Variants in GRID2 observed in about 807,000 individuals in gnomAD.
GRID2 encodes glutamate receptor ionotropic, delta-2.
GRID2 carries 33 observed loss-of-function variants against 114.8 expected under a neutral mutation model. The observed-to-expected ratio is 0.29, with a 90% confidence interval of 0.22 to 0.38. The LOEUF (loss-of-function observed/expected upper bound fraction) is 0.38. Among genes scored for constraint, GRID2 ranks in the 10% least tolerant of loss-of-function variants. The pLI is 1.00. For synonymous variants in GRID2, 505 were observed against 449.9 expected, an observed-to-expected ratio of 1.12 and a Z score of -1.55; for missense variants, 1,184 against 1,257.7, an observed-to-expected ratio of 0.94 and a Z score of 0.89.
intron 1 of GRID2, among the ~76,000 whole-genome samples, chr4:92,392,223 C>A (rs945939633): frequency 1.3e-5 from 2 of 152,034 alleles, no homozygotes; most frequent in Admixed American, 1.3e-4. Context: ...CACATGATAA[C>A]CCTTTAATTC....
At position 93,146,582 on chromosome 4, in the gene GRID2, A is replaced by T. The variant is rs576945606; in HGVS notation, c.735+35629A>T. Among the ~76,000 whole-genome samples, 3 of 152,096 alleles carry T rather than the reference A, an allele frequency of 2.0e-5. 1 individual carries two copies. Among genetic ancestry groups the T allele is most frequent in the African/African-American group, 7.2e-5 (3 of 41,510 alleles). On this transcript the variant is annotated intron_variant, in intron 4 of 15. Transcript: ENST00000282020. ...CTTTCTGGATTCTCTGTGTGAGTGCACTTGCATGTGAAGAGAGAAAGGAGG... is the reference window on the plus strand; with the variant it reads ...CTTTCTGGATTCTCTGTGTGAGTGCTCTTGCATGTGAAGAGAGAAAGGAGG...
chr4:93,207,116 A>G (rs1209760233), intron 4 of GRID2, among the ~76,000 whole-genome samples: 1 of 152,062 alleles, frequency 6.6e-6, no homozygotes, highest in African/African-American at 2.4e-5. Context: ...TTAAATCACA[A>G]AACAGTGTAT....
intron 2 of GRID2, among the ~76,000 whole-genome samples, chr4:93,037,983 A>G (rs2149265006): frequency 6.6e-6 from 1 of 152,340 alleles, no homozygotes; most frequent in East Asian, 1.9e-4. Flanking sequence ...GTTTGTTTCC[A>G]ATTCTGTGAA....
Position 93,558,722 on chromosome 4 carries a change from C to T in GRID2, c.2193+43311C>T, listed in dbSNP as rs1578258840. Among the ~76,000 whole-genome samples, 3 of 152,266 alleles carry T rather than the reference C, an allele frequency of 2.0e-5. No individual in the cohort carries two copies. The South Asian group carries it at 6.2e-4, about 32-fold the overall frequency. ...ACAATAGAAAACGAGGGAATCCTCC[C>T]TGACTCATTTTATGAGGCCAGCATC... is the stretch of plus-strand genomic sequence containing the variant. On this transcript the variant is annotated intron_variant, in intron 13 of 15. Coordinates refer to ENST00000282020, the MANE Select transcript of GRID2 (RefSeq NM_001510.4).
intron 7 of GRID2, among the ~76,000 whole-genome samples, chr4:93,230,862 G>C (rs1372653167): frequency 6.6e-6 from 1 of 151,850 alleles, no homozygotes; most frequent in Admixed American, 6.6e-5. Context: ...TCAGTCTTTA[G>C]TTTATTATGA....
intron 11 of GRID2, among the ~76,000 whole-genome samples, chr4:93,465,615 G>A (rs1471166677): frequency 4.6e-5 from 7 of 152,058 alleles, no homozygotes; most frequent in Admixed American, 1.3e-4. Flanking sequence ...ACACAAAGTC[G>A]GCACAGAACA....
At chr4:93,646,809 G>A (rs1392524661) in intron 14 of GRID2, among the ~76,000 whole-genome samples, 2 of 152,086 alleles carry the variant, frequency 1.3e-5, no homozygotes, top group African/African-American at 2.4e-5. Flanking sequence ...CTGTTTGGAT[G>A]TTATATGATG....
At chr4:93,274,925 A>C (rs1158172182) in intron 8 of GRID2, among the ~76,000 whole-genome samples, 3 of 152,068 alleles carry the variant, frequency 2.0e-5, no homozygotes, top group Admixed American at 2.0e-4. Context: ...TATAAATCAA[A>C]TACCATAAAG....
intron 1 of GRID2, among the ~76,000 whole-genome samples, chr4:92,327,212 TA>T (rs1726643472): frequency 1.3e-5 from 2 of 152,174 alleles, no homozygotes; most frequent in South Asian, 4.1e-4. Flanking sequence ...CTGAAATCAC[TA>T]ATAGGCTCAG....
chr4:93,000,844 A>G (rs917096148), intron 2 of GRID2, among the ~76,000 whole-genome samples: 4 of 151,522 alleles, frequency 2.6e-5, no homozygotes, highest in Admixed American at 6.6e-5. Context: ...TTGAAAAACT[A>G]TCTATTGGAT....
intron 14 of GRID2, among the ~76,000 whole-genome samples, chr4:93,633,323 CAAATTATTCAAA>C (rs1721111270): frequency 2.6e-5 from 4 of 151,716 alleles, no homozygotes; most frequent in East Asian, 1.9e-4. Context: ...AGTAAAAATA[CAAATTATTCAAA>C]AAATTATTCA....
intron 2 of GRID2, among the ~76,000 whole-genome samples, chr4:92,882,591 C>T (rs1245866838): frequency 2.0e-5 from 3 of 151,836 alleles, no homozygotes; most frequent in Non-Finnish European, 4.4e-5. Flanking sequence ...ATTTTATTTA[C>T]TGTGAAATAT....
intron 2 of GRID2, among the ~76,000 whole-genome samples, chr4:92,754,035 C>T (rs1737588622): frequency 6.6e-6 from 1 of 152,156 alleles, no homozygotes; most frequent in African/African-American, 2.4e-5. Flanking sequence ...TAAACACAAA[C>T]ACATCGTTTA....
chr4:93,690,342 C>T (rs985999882), intron 14 of GRID2, among the ~76,000 whole-genome samples: 1 of 151,956 alleles, frequency 6.6e-6, no homozygotes, highest in Admixed American at 6.6e-5. Context: ...TACTGTCACT[C>T]TCTACTGCAT....
At chr4:92,834,462 A>G (rs1742319907) in intron 2 of GRID2, among the ~76,000 whole-genome samples, 1 of 152,156 alleles carries the variant, frequency 6.6e-6, no homozygotes, top group Non-Finnish European at 1.5e-5. Flanking sequence ...TCTAGCATAA[A>G]GATTAGTCCT....
chr4:93,010,581 T>G (rs907295032), intron 2 of GRID2, among the ~76,000 whole-genome samples: 10 of 152,136 alleles, frequency 6.6e-5, no homozygotes, highest in African/African-American at 2.2e-4. Flanking sequence ...ATATAGACTT[T>G]CCTTGCATTT....
intron 2 of GRID2, among the ~76,000 whole-genome samples, chr4:92,815,933 AAAAAAGGAAAGAAAAAAAC>A: frequency 6.8e-6 from 1 of 146,740 alleles, no homozygotes; most frequent in African/African-American, 2.6e-5. Flanking sequence ...AAAAAAAAAA[AAAAAAGGAAAGAAAAAAAC>A]AAAAAGCCAA....
At chr4:92,561,190 T>G (rs938418039) in intron 1 of GRID2, among the ~76,000 whole-genome samples, 2 of 152,228 alleles carry the variant, frequency 1.3e-5, no homozygotes, top group African/African-American at 4.8e-5. Flanking sequence ...TGTGTGGAAG[T>G]CTTTGAAAAG....
chr4:93,404,422 AAG>A (rs972636807), intron 9 of GRID2, among the ~76,000 whole-genome samples: 28 of 152,130 alleles, frequency 1.8e-4, no homozygotes, highest in Admixed American at 9.8e-4. Flanking sequence ...CTTTTTAAAA[AAG>A]AGAGAGTCTG....
Sources: allele counts gnomAD v4.1 joint callset (sites outside exome capture counted in the v4.1 genomes callset), GRCh38; gene constraint gnomAD v4.1.1; transcripts MANE v1.5; gene names NCBI Gene and HGNC (gene_info 2026-07-23, HGNC 2026-07-21).